The following MGAT4A variants were observed in gnomAD, a reference collection of about 807,000 sequenced individuals.
The protein encoded by MGAT4A is N-acetylglucosaminyltransferase IVa.
Under a neutral mutation model 74.1 loss-of-function variants are expected in MGAT4A, and 33 were observed. The observed-to-expected ratio is 0.45, with a 90% CI of 0.34 to 0.60. MGAT4A has a LOEUF of 0.60. Ranked by LOEUF, MGAT4A falls within the 20% of genes least tolerant of loss-of-function variation. The pLI is 0.02. For synonymous variants in MGAT4A, 198 were observed against 210.4 expected, an observed-to-expected ratio of 0.94 and a Z score of 0.51; for missense variants, 479 against 628.3, an observed-to-expected ratio of 0.76 and a Z score of 2.54.
At chr2:98,680,284 T>C (rs965452335) in intron 2 of MGAT4A, among the ~76,000 whole-genome samples, 3 of 152,146 alleles carry the variant, frequency 2.0e-5, no homozygotes, top group African/African-American at 4.8e-5. Flanking sequence ...CCTCAGGTGA[T>C]CCACCTGCCT....
chr2:98,727,507 G>A (rs1196811846), intron 1 of MGAT4A, among the ~76,000 whole-genome samples: 2 of 152,150 alleles, frequency 1.3e-5, no homozygotes, highest in African/African-American at 4.8e-5. Context: ...CTCTATGCAT[G>A]GTCAGTCTCA....
At chr2:98,688,141 C>G (rs114019875) in intron 2 of MGAT4A, among the ~76,000 whole-genome samples, 1 of 152,132 alleles carries the variant, frequency 6.6e-6, no homozygotes, top group Non-Finnish European at 1.5e-5. Context: ...ATTTAGCTAT[C>G]GTTTCTTTTT....
At chr2:98,663,568 G>T in intron 4 of MGAT4A, 1 of 936,450 alleles carries the variant, frequency 1.1e-6, no homozygotes, top group Non-Finnish European at 1.4e-6. Flanking sequence ...CATCAGTTCT[G>T]TGGTTGTTCT....
chr2:98,626,722 AAGG>A (rs1701150200), intron 14 of MGAT4A, among the ~76,000 whole-genome samples: 1 of 152,228 alleles, frequency 6.6e-6, no homozygotes, highest in South Asian at 2.1e-4. Context: ...TAGGTATACC[AAGG>A]AGAAGAACAT....
At chr2:98,704,545 C>G (rs1267732548) in intron 2 of MGAT4A, among the ~76,000 whole-genome samples, 1 of 152,084 alleles carries the variant, frequency 6.6e-6, no homozygotes, top group Non-Finnish European at 1.5e-5. Context: ...GAGCCCGAGG[C>G]TGCAGTGAGC....
chr2:98,639,870 A>G lies in MGAT4A; in HGVS notation c.1260T>C (p.Ala420=). 6.2e-7 allele frequency: 1 copy of G among 1,614,152 alleles called. No homozygotes were observed. Among genetic ancestry groups the G allele is most frequent in the African/African-American group, 1.3e-5 (1 of 75,064 alleles). The part of the protein sequence containing the change: ...KTYMGEDFFW[A]ITPIAGDYIL... ...TGTAGTCTCCAGCTATCGGTGTGATAGCCCAGAAGAAATCCTCTCCCATGT... is the reference window on the plus strand; with the variant it reads ...TGTAGTCTCCAGCTATCGGTGTGATGGCCCAGAAGAAATCCTCTCCCATGT... Residue 420 remains alanine (A), a synonymous_variant, in exon 12 of 16, where the codon GCT becomes GCC. Coordinates refer to ENST00000393487, the MANE Select transcript of MGAT4A (RefSeq NM_012214.3).
chr2:98,675,639 C>T (rs1350396296), intron 3 of MGAT4A, among the ~76,000 whole-genome samples: 2 of 151,968 alleles, frequency 1.3e-5, no homozygotes, highest in Non-Finnish European at 2.9e-5. Flanking sequence ...CTTGACCTCC[C>T]AGGCTCAAGA....
At chr2:98,654,925 G>A (rs149225831) in intron 8 of MGAT4A, among the ~76,000 whole-genome samples, 17 of 152,234 alleles carry the variant, frequency 1.1e-4, no homozygotes, top group Non-Finnish European at 1.9e-4. Flanking sequence ...GCAGCAGCTC[G>A]TGTCTGTAAT....
intron 6 of MGAT4A, among the ~76,000 whole-genome samples, chr2:98,657,911 A>G (rs536618464): frequency 1.0e-3 from 152 of 152,308 alleles, no homozygotes; most frequent in African/African-American, 3.5e-3. Flanking sequence ...ACAGTGTGAA[A>G]GATTTAATCT....
At chr2:98,632,484 T>C (rs1324662355) in intron 14 of MGAT4A, among the ~76,000 whole-genome samples, 1 of 152,250 alleles carries the variant, frequency 6.6e-6, no homozygotes, top group Non-Finnish European at 1.5e-5. Flanking sequence ...GGGATCCAAA[T>C]TTGCTTGTCT....
At chr2:98,716,983 G>C (rs375232679) in intron 2 of MGAT4A, among the ~76,000 whole-genome samples, 1 of 152,152 alleles carries the variant, frequency 6.6e-6, no homozygotes, top group South Asian at 2.1e-4. Context: ...GTGGTTGGCT[G>C]AATCTGTGTA....
Position 98,624,395 on chromosome 2 carries a change from T to C in MGAT4A, c.*1171A>G. ...ATATTCTTTGTTTATAGTAGTAATA[T>C]CATTTGGAATAGCGTGTTTAAGAGT... On this transcript the variant is annotated 3_prime_UTR_variant, in exon 16 of 16. Transcript: ENST00000393487. 3 of 952,000 alleles carry C rather than the reference T, an allele frequency of 3.2e-6. No homozygotes were observed. Among genetic ancestry groups the C allele is most frequent in the Non-Finnish European group, 2.5e-6 (2 of 799,574 alleles). The allele number at this position is 952,000 out of a possible 1,614,324, so 59.0% of individuals were successfully genotyped here.
chr2:98,642,776 C>T (rs3769694), intron 10 of MGAT4A, among the ~76,000 whole-genome samples: 2 of 152,108 alleles, frequency 1.3e-5, no homozygotes, highest in Non-Finnish European at 1.5e-5. Context: ...AACTAATTGT[C>T]GGAAAACAGA....
At chr2:98,682,792 T>C (rs1437909378) in intron 2 of MGAT4A, among the ~76,000 whole-genome samples, 1 of 151,820 alleles carries the variant, frequency 6.6e-6, no homozygotes, top group Non-Finnish European at 1.5e-5. Context: ...GGATTATGTA[T>C]AAAACAAATG....
intron 2 of MGAT4A, among the ~76,000 whole-genome samples, chr2:98,688,290 T>A (rs1363020839): frequency 6.6e-6 from 1 of 152,134 alleles, no homozygotes; most frequent in Non-Finnish European, 1.5e-5. Context: ...GCAATTACCA[T>A]ATGAGTCCCT....
chr2:98,660,687 T>G (rs1260317121), intron 5 of MGAT4A, among the ~76,000 whole-genome samples: 3 of 152,324 alleles, frequency 2.0e-5, no homozygotes, highest in African/African-American at 7.2e-5. Context: ...GAAAAAAGTT[T>G]CTTTAGTAAA....
chr2:98,680,034 G>T (rs757732571), intron 2 of MGAT4A, among the ~76,000 whole-genome samples: 13 of 138,822 alleles, frequency 9.4e-5, no homozygotes, highest in Non-Finnish European at 1.9e-4. Flanking sequence ...ACAAACCTTA[G>T]AAAGGCTTTT....
intron 2 of MGAT4A, among the ~76,000 whole-genome samples, chr2:98,685,120 C>T (rs939014757): frequency 3.3e-5 from 5 of 151,826 alleles, no homozygotes; most frequent in African/African-American, 1.2e-4. Context: ...TGCCTGTAGC[C>T]CCAGCTACTC....
intron 12 of MGAT4A, among the ~76,000 whole-genome samples, chr2:98,636,832 T>C (rs949802189): frequency 5.3e-5 from 8 of 152,190 alleles, no homozygotes; most frequent in Non-Finnish European, 7.3e-5. Context: ...GAAACAATTA[T>C]GTTTGCTGCT....
Sources: gnomAD v4.1 joint callset for allele counts (sites outside exome capture counted in the v4.1 genomes callset) on GRCh38, gnomAD v4.1.1 for gene constraint, MANE v1.5 for transcripts, NCBI Gene and HGNC (gene_info 2026-07-23, HGNC 2026-07-21) for gene names.